The following AQP2 variants were observed in gnomAD, a reference collection of about 807,000 sequenced individuals.
AQP2 encodes aquaporin 2.
A neutral mutation model predicts 21.6 loss-of-function variants in AQP2; 20 were observed. The ratio of observed to expected loss-of-function variants is 0.92; its 90% CI spans 0.65 to 1.34. The LOEUF is 1.34. Among genes scored for constraint, AQP2 ranks in the 40% most tolerant of loss-of-function variants. The pLI, the probability that AQP2 is intolerant of heterozygous loss-of-function variation, is 0.00. For missense variants in AQP2, 325 were observed against 363.4 expected, an observed-to-expected ratio of 0.89 and a Z score of 0.86; for synonymous variants, 168 against 166.9, an observed-to-expected ratio of 1.01 and a Z score of -0.05.
chr12:49,953,937 G>C (rs758921981), intron 1 of AQP2, among the ~76,000 whole-genome samples: 2 of 152,120 alleles, frequency 1.3e-5, no homozygotes, highest in African/African-American at 2.4e-5. Context: ...TACCTCTGGC[G>C]GGGGGACCAT....
At position 49,958,500 on chromosome 12, in the gene AQP2, A is replaced by G. The variant is rs1947389594; in HGVS notation, c.*2892A>G. Reference sequence around the variant, plus strand: ...GCGAGGGCAGCAGGGTAGAGAGGACAAAGAATGTGGGGCTGGTTTCTGCCC... The same window carrying G: ...GCGAGGGCAGCAGGGTAGAGAGGACGAAGAATGTGGGGCTGGTTTCTGCCC... On this transcript the variant is annotated 3_prime_UTR_variant, in exon 4 of 4. Transcript: ENST00000199280. 1 of 152,380 alleles carries G rather than the reference A, an allele frequency of 6.6e-6. No homozygotes were observed. Among genetic ancestry groups the G allele is most frequent in the African/African-American group, 2.4e-5 (1 of 41,466 alleles). The allele number at this position is 152,380 out of a possible 1,614,324, so 9.4% of individuals were successfully genotyped here. A position where few individuals can be genotyped will look rare whatever the true frequency, so the allele number is the denominator to read the frequency against.
At chr12:49,951,782 T>C (rs1415633552) in intron 1 of AQP2, 1 of 152,534 alleles carries the variant, frequency 6.6e-6, no homozygotes, top group Non-Finnish European at 1.5e-5. Context: ...CGTGGGCCCT[T>C]TGGGAGCTGA....
In AQP2 at chr12:49,957,336, A is replaced by T. The variant is rs1947378667; in HGVS notation, c.*1728A>T. ...TTCCTCCTACCACCCAGCCCTATCC[A>T]TTCTCTCCTTCCCTCTCCAGCCTGC... On this transcript the variant is annotated 3_prime_UTR_variant, in exon 4 of 4. Transcript: ENST00000199280. 6.6e-6 allele frequency: 1 copy of T among 150,950 alleles called. No individual in the cohort carries two copies. The highest frequency in any genetic ancestry group is 1.5e-5 in the Non-Finnish European group (1 of 67,752). 9.4% of individuals were successfully genotyped at this position (150,950 alleles called of 1,614,324 possible).
Position 49,950,802 on chromosome 12 carries a change from G to A in AQP2, c.-29G>A, listed in dbSNP as rs1427271071. ...CCCGGAGCATCCTGGCCCTGAGACAGCTGGGCCAGCCCCGCAGGGCTCTGC... is the reference window on the plus strand; with the variant it reads ...CCCGGAGCATCCTGGCCCTGAGACAACTGGGCCAGCCCCGCAGGGCTCTGC... On this transcript the variant is annotated 5_prime_UTR_variant, in exon 1 of 4. Coordinates refer to ENST00000199280, the MANE Select transcript of AQP2 (RefSeq NM_000486.6). The A allele has an allele frequency of 1.3e-6, 2 of 1,597,880 alleles. No homozygotes were observed. The highest frequency in any genetic ancestry group is 2.2e-5 in the South Asian group (2 of 90,766).
In AQP2 at chr12:49,954,253, C is replaced by T. The variant is rs201617819; in HGVS notation, c.459C>T (p.Arg153=). The T allele has an allele frequency of 8.7e-6, 14 of 1,607,460 alleles. No homozygotes were observed. In the East Asian group the frequency reaches 1.3e-4, roughly 15 times the overall value. The change falls in exon 2 of 4, where the codon CGC becomes CGT. Residue 153 remains arginine, a synonymous_variant. Transcript: ENST00000199280. ...TCTTCGCCTCCACCGATGAGCGCCG[C>T]GGAGAGAACCCGGGCACCCCTGCTC... ...LCIFASTDER[R]GENPGTPALS...
Position 49,955,782 on chromosome 12 carries a change from G to A in AQP2, c.*174G>A, listed in dbSNP as rs1002096443. 1.5e-5 allele frequency: 14 copies of A among 904,330 alleles called. No homozygotes were observed. The highest frequency in any genetic ancestry group is 2.6e-5 in the East Asian group (1 of 38,102). The allele number at this position is 904,330 out of a possible 1,614,324, so 56.0% of individuals were successfully genotyped here. A position where few individuals can be genotyped will look rare whatever the true frequency, so the allele number is the denominator to read the frequency against. Reference sequence around the variant, plus strand: ...GTGAGCAGGCGGGGAGGAGGCTGCCGGAGGGAGCCCTGAGCCTGGCAGGTC... The same window carrying A: ...GTGAGCAGGCGGGGAGGAGGCTGCCAGAGGGAGCCCTGAGCCTGGCAGGTC... On this transcript the variant is annotated 3_prime_UTR_variant, in exon 4 of 4. Transcript: ENST00000199280.
At chr12:49,953,415 T>C (rs1485195702) in intron 1 of AQP2, among the ~76,000 whole-genome samples, 1 of 152,118 alleles carries the variant, frequency 6.6e-6, no homozygotes, top group Non-Finnish European at 1.5e-5. Flanking sequence ...AATCACCTCT[T>C]TACTCAGCCC....
intron 1 of AQP2, among the ~76,000 whole-genome samples, chr12:49,953,722 G>A (rs1243935000): frequency 6.6e-6 from 1 of 152,206 alleles, no homozygotes; most frequent in East Asian, 1.9e-4. Context: ...AAGACCACAG[G>A]CCTCTCATTG....
Position 49,951,110 on chromosome 12 carries a change from C to G in AQP2, c.280C>G (p.Leu94Val). 2 of 1,607,522 alleles carry G rather than the reference C, an allele frequency of 1.2e-6. No homozygotes were observed. The highest frequency in any genetic ancestry group is 1.7e-6 in the Non-Finnish European group (2 of 1,175,302). Residue 94 changes from leucine (L) to valine (V), a missense_variant, in exon 1 of 4, where the codon CTG becomes GTG. Transcript: ENST00000199280. ...AGCCGCCTTCTACGTGGCTGCCCAG[C>G]TGCTGGGGGCTGTGGCCGGAGCCGC... is the stretch of plus-strand genomic sequence containing the variant. ...LRAAFYVAAQ[L>V]LGAVAGAALL...
chr12:49,952,898 G>A (rs1252290714), intron 1 of AQP2, among the ~76,000 whole-genome samples: 1 of 152,208 alleles, frequency 6.6e-6, no homozygotes, highest in East Asian at 1.9e-4. Context: ...CACCTGCCCT[G>A]TGCCAGGCCA....
In AQP2 at chr12:49,954,106, GA is replaced by G. The variant is rs761170886; in HGVS notation, c.361-48del. On this transcript the variant is annotated intron_variant, in intron 1 of 3. Coordinates refer to ENST00000199280, the MANE Select transcript of AQP2 (RefSeq NM_000486.6). ...AGGTGGACAGGAAGATGGAGCCAGA[GA>G]GGAAAGTGGGCTCAGTGTTCCCCTA... is the stretch of plus-strand genomic sequence containing the variant. The G allele has an allele frequency of 2.6e-5, 42 of 1,596,088 alleles. No individual in the cohort carries two copies. The African/African-American group carries it at 5.3e-4, about 20-fold the overall frequency.
rs1947324078 is a variant in AQP2, at chr12:49,950,940, C to T, written c.110C>T (p.Ala37Val). The change falls in exon 1 of 4, where the codon GCC becomes GTC. Residue 37 changes from alanine (A) to valine (V), a missense_variant. Ala to Val is a moderately conservative substitution (Grantham distance 64, BLOSUM62 0). Transcript: ENST00000199280. Reference sequence around the variant, plus strand: ...GGCTCTGCCCTCAACTGGCCACAGGCCCTGCCCTCTGTGCTACAGATTGCC... The same window carrying T: ...GGCTCTGCCCTCAACTGGCCACAGGTCCTGCCCTCTGTGCTACAGATTGCC... ...GLGSALNWPQ[A>V]LPSVLQIAMA... 1.2e-6 allele frequency: 2 copies of T among 1,614,116 alleles called. No individual in the cohort carries two copies. Among genetic ancestry groups the T allele is most frequent in the Admixed American group, 1.7e-5 (1 of 60,010 alleles).
intron 3 of AQP2, 36 bp from the exon 4 acceptor site, chr12:49,955,363 C>CGCGGGT (rs1397202152): frequency 6.2e-7 from 1 of 1,601,322 alleles, no homozygotes; most frequent in Admixed American, 1.7e-5. Context: ...CCGGTGCCGG[C>CGCGGGT]GCGGGTGCCA....
In AQP2 at chr12:49,955,838, T is replaced by G. The variant is rs1249627412; in HGVS notation, c.*230T>G. 4.3e-6 allele frequency: 3 copies of G among 691,780 alleles called. No individual in the cohort carries two copies. Among genetic ancestry groups the G allele is most frequent in the East Asian group, 5.4e-5 (2 of 36,946 alleles). 42.9% of individuals were successfully genotyped at this position (691,780 alleles called of 1,614,324 possible). The stretch of plus-strand genomic sequence containing the variant: ...CCCTGAGGCTGTGAGCAGCTAGTGG[T>G]GGCTTCTCCAGCCTTTTTCAGGGAA... On this transcript the variant is annotated 3_prime_UTR_variant, in exon 4 of 4. Coordinates refer to ENST00000199280, the MANE Select transcript of AQP2 (RefSeq NM_000486.6).
chr12:49,954,697 T>G lies in AQP2; in HGVS notation c.593T>G (p.Phe198Cys). The G allele has an allele frequency of 6.2e-7, 1 of 1,614,168 alleles. No homozygotes were observed. The highest frequency in any genetic ancestry group is 8.5e-7 in the Non-Finnish European group (1 of 1,179,990). ...GCTCCAGCTGTCGTCACTGGCAAAT[T>G]TGATGACCACTGGGTAATGGCTGAA... ...SLAPAVVTGK[F>C]DDHWVFWIGP... Residue 198 changes from phenylalanine to cysteine, a missense_variant, in exon 3 of 4, where the codon TTT (phenylalanine) becomes TGT (cysteine). By Grantham distance (205) the Phe-to-Cys change is radical (BLOSUM62 -2). Coordinates refer to ENST00000199280, the MANE Select transcript of AQP2 (RefSeq NM_000486.6).
At chr12:49,954,836 C>A in intron 3 of AQP2, 126 bp downstream of exon 3, 1 of 1,110,022 alleles carries the variant, frequency 9.0e-7, no homozygotes, top group Non-Finnish European at 1.4e-6. Flanking sequence ...TCCTCCTGGT[C>A]CTGGGGAGCC....
At chr12:49,952,053 G>A (rs1947334233) in intron 1 of AQP2, 1 of 152,180 alleles carries the variant, frequency 6.6e-6, no homozygotes, top group South Asian at 2.1e-4. Flanking sequence ...AATCTCTGTG[G>A]GCGCCCCCTT....
chr12:49,953,033 C>T (rs559114463), intron 1 of AQP2, among the ~76,000 whole-genome samples: 1 of 152,338 alleles, frequency 6.6e-6, no homozygotes, highest in South Asian at 2.1e-4. Context: ...ATTTCTAGTC[C>T]TCCCACAGTC....
Position 49,950,756 on chromosome 12 carries a change from G to T in AQP2, c.-75G>T, listed in dbSNP as rs149553671. The T allele has an allele frequency of 3.2e-6, 5 of 1,554,744 alleles. No individual in the cohort carries two copies. Among genetic ancestry groups the T allele is most frequent in the Non-Finnish European group, 4.4e-6 (5 of 1,149,378 alleles). On this transcript the variant is annotated 5_prime_UTR_variant, in exon 1 of 4. Transcript: ENST00000199280. The stretch of plus-strand genomic sequence containing the variant: ...CCCCAGAGGCCTTGAGAAAGAGAGC[G>T]ATAGAGTGCGAGAGCGAGTGCCCGG...
Sources: allele counts gnomAD v4.1 joint callset (sites outside exome capture counted in the v4.1 genomes callset), GRCh38; gene constraint gnomAD v4.1.1; transcripts MANE v1.5; gene names NCBI Gene and HGNC (gene_info 2026-07-23, HGNC 2026-07-21).